SOD2: variants seen among roughly 807,000 people sequenced by gnomAD.
SOD2 encodes superoxide dismutase 2, also known as superoxide dismutase [Mn], mitochondrial.
SOD2 carries 11 observed loss-of-function variants against 27.0 expected under a neutral mutation model. That is an observed-to-expected ratio of 0.41 (90% CI 0.26 to 0.67). SOD2 has a LOEUF of 0.67. SOD2 is among the 30% of genes least tolerant of loss of function. SOD2 has a pLI of 0.34. For synonymous variants in SOD2, 105 were observed against 103.0 expected, an observed-to-expected ratio of 1.02 and a Z score of -0.12; for missense variants, 250 against 274.5, an observed-to-expected ratio of 0.91 and a Z score of 0.63.
chr6:159,700,854 C>A (rs149631267), intron 1 of SOD2, among the ~76,000 whole-genome samples: 2 of 152,100 alleles, frequency 1.3e-5, no homozygotes, highest in African/African-American at 4.8e-5. Flanking sequence ...TGACTTTTTA[C>A]TGACCTGATT....
In SOD2 at chr6:159,682,580, T is replaced by G; in HGVS notation, c.582A>C (p.Lys194Asn). Residue 194 changes from lysine (K) to asparagine (N), a missense_variant, in exon 5 of 5, where the codon AAA (lysine) becomes AAC (asparagine). Coordinates refer to ENST00000538183, the MANE Select transcript of SOD2 (RefSeq NM_000636.4). ...CTTTTAGATAATCAGGCCTGACATT[T>G]TTATACTGAAGGTAGTAAGCGTGCT... is the stretch of plus-strand genomic sequence containing the variant. ...VWEHAYYLQY[K>N]NVRPDYLKAI... The G allele has an allele frequency of 6.2e-7, 1 of 1,614,042 alleles. No individual in the cohort carries two copies. The highest frequency in any genetic ancestry group is 2.2e-5 in the East Asian group (1 of 44,862).
upstream of SOD2, among the ~76,000 whole-genome samples, chr6:159,694,547 A>G (rs1777380512): frequency 6.6e-6 from 1 of 152,166 alleles, no homozygotes; most frequent in Non-Finnish European, 1.5e-5. Flanking sequence ...GGGGTGAAAA[A>G]GGAAATTCAG....
At chr6:159,735,250 T>C (rs998954315) in intron 1 of SOD2, among the ~76,000 whole-genome samples, 7 of 152,166 alleles carry the variant, frequency 4.6e-5, no homozygotes, top group African/African-American at 1.7e-4. Context: ...AGGCGATTCC[T>C]GCCTCAGTCT....
chr6:159,742,883 T>G (rs1779346083), intron 1 of SOD2, among the ~76,000 whole-genome samples: 1 of 151,686 alleles, frequency 6.6e-6, no homozygotes, highest in Admixed American at 6.6e-5. Context: ...TAGGGAGACC[T>G]TGTCTCTACA....
At chr6:159,695,036 G>T (rs1777395621), upstream of SOD2, among the ~76,000 whole-genome samples, 1 of 152,130 alleles carries the variant, frequency 6.6e-6, no homozygotes, top group Non-Finnish European at 1.5e-5. Context: ...CACTGACTTG[G>T]GGGGATGAAG....
chr6:159,678,075 T>A lies in SOD2; in HGVS notation c.*4418A>T, dbSNP rs1266211308. ...AATCGCCAATTGCCAATGGTAATGCTGACATAATGAAGCCTCCGTAAAACC... is the reference window on the plus strand; with the variant it reads ...AATCGCCAATTGCCAATGGTAATGCAGACATAATGAAGCCTCCGTAAAACC... On this transcript the variant is annotated 3_prime_UTR_variant, in exon 5 of 5. Transcript: ENST00000538183. The A allele has an allele frequency of 6.6e-6, 1 of 152,182 alleles. No homozygotes were observed. 9.4% of individuals were successfully genotyped at this position (152,182 alleles called of 1,614,324 possible).
upstream of SOD2, chr6:159,748,978 T>C (rs1264076549): frequency 6.7e-6 from 7 of 1,047,138 alleles, no homozygotes; most frequent in African/African-American, 6.7e-5. The surrounding 1 kb of genome is among the most constrained non-coding windows in gnomAD (Gnocchi z 5.6). Context: ...GAACCAACTT[T>C]CAATAGTCAT....
In SOD2 at chr6:159,692,666, G is replaced by T; in HGVS notation, c.221C>A (p.Ala74Asp). ...CCGCTCAGCCTGGAACCTACCCTTG[G>T]CCAACGCCTCCTGGTACTTCTCCTC... ...VTEEKYQEAL[A>D]KGDVTAQIAL... The change falls in exon 2 of 5, where the codon GCC becomes GAC. Residue 74 changes from alanine to aspartate, a missense_variant. Ala to Asp is a moderately radical substitution (Grantham distance 126). Coordinates refer to ENST00000538183, the MANE Select transcript of SOD2 (RefSeq NM_000636.4). The T allele has an allele frequency of 6.2e-7, 1 of 1,613,776 alleles. No homozygotes were observed. The highest frequency in any genetic ancestry group is 8.5e-7 in the Non-Finnish European group (1 of 1,179,888).
intron 1 of SOD2, among the ~76,000 whole-genome samples, chr6:159,718,017 T>C (rs1335878548): frequency 6.6e-6 from 1 of 151,702 alleles, no homozygotes; most frequent in East Asian, 1.9e-4. Context: ...TGGGATAGGG[T>C]CTCTCCCCTC....
At chr6:159,748,071 C>G, upstream of SOD2, 1 of 1,250,318 alleles carries the variant, frequency 8.0e-7, no homozygotes. The surrounding 1 kb of genome is among the most constrained non-coding windows in gnomAD (Gnocchi z 5.6). Context: ...ATTTCAGGAT[C>G]AAAGAGGGGA....
chr6:159,759,131 C>T (rs1398681965), intron 1 of SOD2, among the ~76,000 whole-genome samples: 1 of 150,678 alleles, frequency 6.6e-6, no homozygotes, highest in Non-Finnish European at 1.5e-5. Flanking sequence ...GCAATCTCGG[C>T]CCACCACAAC....
In SOD2 at chr6:159,693,008, C is replaced by G. The variant is rs992968404; in HGVS notation, c.23+137G>C. 7 of 1,368,486 alleles carry G rather than the reference C, an allele frequency of 5.1e-6. No homozygotes were observed. The African/African-American group carries it at 1.1e-4, about 21-fold the overall frequency. The allele number at this position is 1,368,486 out of a possible 1,614,324, so 84.8% of individuals were successfully genotyped here. On this transcript the variant is annotated intron_variant, in intron 1 of 4. Coordinates refer to ENST00000538183, the MANE Select transcript of SOD2 (RefSeq NM_000636.4). Reference sequence around the variant, plus strand: ...TCCCCGCTCCAGCCGCCGCGCCGGGCACTCCCGGGAGAACCGCCTGCAGGT... The same window carrying G: ...TCCCCGCTCCAGCCGCCGCGCCGGGGACTCCCGGGAGAACCGCCTGCAGGT...
At chr6:159,729,482 T>G (rs142476690), upstream of SOD2, among the ~76,000 whole-genome samples, 11 of 152,364 alleles carry the variant, frequency 7.2e-5, no homozygotes, top group East Asian at 2.1e-3. Context: ...AAATATTTTC[T>G]GCCTTTGAAG....
chr6:159,684,188 A>G (rs1780080996), intron 4 of SOD2, among the ~76,000 whole-genome samples: 1 of 152,198 alleles, frequency 6.6e-6, no homozygotes, highest in African/African-American at 2.4e-5. Context: ...AGGAGGTAAC[A>G]GTACAAGCTC....
chr6:159,721,276 C>T (rs1213655936), intron 1 of SOD2, among the ~76,000 whole-genome samples: 3 of 151,938 alleles, frequency 2.0e-5, no homozygotes, highest in African/African-American at 7.3e-5. Flanking sequence ...ACCATGTTAG[C>T]CAGGATGGTC....
intron 1 of SOD2, among the ~76,000 whole-genome samples, chr6:159,756,684 C>T (rs1476436793): frequency 6.8e-6 from 1 of 147,918 alleles, no homozygotes; most frequent in Non-Finnish European, 1.5e-5. Context: ...TCACTGCAGC[C>T]TCAAAGTCCT....
intron 1 of SOD2, among the ~76,000 whole-genome samples, chr6:159,739,888 T>C (rs1189692845): frequency 6.7e-6 from 1 of 150,352 alleles, no homozygotes; most frequent in Non-Finnish European, 1.5e-5. Context: ...ACAGTTTCCA[T>C]TGCATACCTT....
rs1175751194 is a variant in SOD2, at chr6:159,714,022, G to A, written c.-116+13107C>T. The A allele has an allele frequency of 4.3e-5, 30 of 702,738 alleles. No homozygotes were observed. In the Middle Eastern group the frequency reaches 7.7e-4, roughly 18 times the overall value. The allele number at this position is 702,738 out of a possible 1,614,324, so 43.5% of individuals were successfully genotyped here. On this transcript the variant is annotated intron_variant, in intron 1 of 2. Transcript: ENST00000401980. Reference sequence around the variant, plus strand: ...TTGAGCTCTTGGTGGCAAGTTTGGCGGAATGCAATTTTGGTGTAGTGGGCA... The same window carrying A: ...TTGAGCTCTTGGTGGCAAGTTTGGCAGAATGCAATTTTGGTGTAGTGGGCA...
chr6:159,761,688 A>C, exon 1 of SOD2: 2 of 379,150 alleles, frequency 5.3e-6, no homozygotes, highest in Non-Finnish European at 1.1e-5. Flanking sequence ...GTTTCGAGAA[A>C]CCCTAAGATT....
Sources: allele counts gnomAD v4.1 joint callset (sites outside exome capture counted in the v4.1 genomes callset), GRCh38; gene constraint gnomAD v4.1.1; non-coding constraint Gnocchi (gnomAD v3.1); transcripts MANE v1.5; gene names NCBI Gene and HGNC (gene_info 2026-07-23, HGNC 2026-07-21).